SNX4: variants seen among roughly 807,000 people sequenced by gnomAD.
SNX4 encodes sorting nexin-4.
Under a neutral mutation model 70.8 loss-of-function variants are expected in SNX4, and 49 were observed. The ratio of observed to expected loss-of-function variants is 0.69; its 90% CI spans 0.55 to 0.88. The LOEUF (loss-of-function observed/expected upper bound fraction) is 0.88. Among genes scored for constraint, SNX4 ranks in the 40% least tolerant of loss-of-function variants. The pLI is 0.00. For synonymous variants in SNX4, 206 were observed against 183.8 expected, an observed-to-expected ratio of 1.12 and a Z score of -0.98; for missense variants, 528 against 544.8, an observed-to-expected ratio of 0.97 and a Z score of 0.31.
intron 7 of SNX4, 28 bp downstream of exon 7, chr3:125,480,219 C>A: frequency 1.4e-6 from 2 of 1,435,016 alleles, no homozygotes; most frequent in South Asian, 1.4e-5. Flanking sequence ...TATGCATGTG[C>A]ATCAAAAAGC....
Position 125,446,764 on chromosome 3 carries a change from T to A in SNX4, c.*1015A>T, listed in dbSNP as rs1451533203. On this transcript the variant is annotated 3_prime_UTR_variant, in exon 14 of 14. Coordinates refer to ENST00000251775, the MANE Select transcript of SNX4 (RefSeq NM_003794.4). ...CTAAACAGGACTAGGGATTTTTTTT[T>A]ACATCATTAGAAATAACGAGTACAC... is the stretch of plus-strand genomic sequence containing the variant. 1 of 152,604 alleles carries A rather than the reference T, an allele frequency of 6.6e-6. No homozygotes were observed. The highest frequency in any genetic ancestry group is 2.4e-5 in the African/African-American group (1 of 41,452). The allele number at this position is 152,604 out of a possible 1,614,324, so 9.5% of individuals were successfully genotyped here. A position where few individuals can be genotyped will look rare whatever the true frequency, so the allele number is the denominator to read the frequency against.
At chr3:125,479,195 C>G (rs74900788) in intron 7 of SNX4, among the ~76,000 whole-genome samples, 3,126 of 152,182 alleles carry the variant, frequency 0.021, 106 homozygotes, top group African/African-American at 0.071. Context: ...CTAAAACTGC[C>G]CCCACTCTCC....
intron 2 of SNX4, among the ~76,000 whole-genome samples, chr3:125,501,207 A>G (rs1219370408): frequency 1.3e-5 from 2 of 152,250 alleles, no homozygotes; most frequent in Non-Finnish European, 2.9e-5. Flanking sequence ...CCATGTCTAT[A>G]TGATGTGGAG....
At chr3:125,468,654 T>C (rs1380952285) in intron 9 of SNX4, among the ~76,000 whole-genome samples, 1 of 152,160 alleles carries the variant, frequency 6.6e-6, no homozygotes, top group Non-Finnish European at 1.5e-5. Flanking sequence ...AAGATCGACC[T>C]GGGCAACATA....
intron 10 of SNX4, among the ~76,000 whole-genome samples, chr3:125,459,800 A>G (rs1351003021): frequency 6.6e-6 from 1 of 152,310 alleles, no homozygotes; most frequent in South Asian, 2.1e-4. Context: ...TCAAAGCCCT[A>G]GAAGGAAAAC....
At chr3:125,513,675 C>A (rs570388337) in intron 1 of SNX4, among the ~76,000 whole-genome samples, 3 of 152,150 alleles carry the variant, frequency 2.0e-5, no homozygotes, top group Non-Finnish European at 2.9e-5. Context: ...TTTTTCTAGG[C>A]GTGATGCTTC....
chr3:125,453,682 A>C (rs1264879421), intron 12 of SNX4, 128 bp downstream of exon 12: 1 of 831,998 alleles, frequency 1.2e-6, no homozygotes, highest in East Asian at 3.0e-5. Flanking sequence ...TGCATTTTAA[A>C]GGAATAGGCT....
chr3:125,485,552 C>T (rs1044946744), intron 6 of SNX4, among the ~76,000 whole-genome samples: 1 of 152,124 alleles, frequency 6.6e-6, no homozygotes, highest in African/African-American at 2.4e-5. Context: ...CCTGCCTTGG[C>T]CTCCCAAAGT....
intron 8 of SNX4, among the ~76,000 whole-genome samples, chr3:125,471,128 T>C (rs1380830485): frequency 6.6e-6 from 1 of 152,190 alleles, no homozygotes; most frequent in South Asian, 2.1e-4. Flanking sequence ...GCAGATCACC[T>C]GAGGTCGGGA....
chr3:125,456,003 AAAAC>A lies in SNX4; in HGVS notation c.1044+1259_1044+1262del, dbSNP rs200886002. On this transcript the variant is annotated intron_variant, in intron 11 of 13. Coordinates refer to ENST00000251775, the MANE Select transcript of SNX4 (RefSeq NM_003794.4). ...GGGCAACAGAGCGAAACTCGGTCTA[AAAAC>A]AAACAAACAAACAAACAAAAACTAC... Among the ~76,000 whole-genome samples the A allele has an allele frequency of 8.9e-4, 135 of 152,294 alleles. 1 individual carries two copies. The East Asian group carries it at 0.021, about 24-fold the overall frequency.
chr3:125,519,923 TCGGCCGAGCCCACTGGCCCGGCC>T (rs1935367260), intron 1 of SNX4, 86 bp downstream of exon 1: 1 of 1,079,706 alleles, frequency 9.3e-7, no homozygotes, highest in Non-Finnish European at 1.2e-6. Flanking sequence ...CTGGGCCTCC[TCGGCCGAGCCCACTGGCCCGGCC>T]CGGCCCAGCC....
intron 4 of SNX4, 152 bp from the exon 5 acceptor site, chr3:125,497,540 A>G (rs765874559): frequency 3.2e-6 from 2 of 630,016 alleles, no homozygotes; most frequent in Non-Finnish European, 5.5e-6. Flanking sequence ...TAAACATTCA[A>G]TCCAACTTCT....
intron 9 of SNX4, among the ~76,000 whole-genome samples, chr3:125,469,167 C>T (rs1310888669): frequency 6.6e-6 from 1 of 152,088 alleles, no homozygotes; most frequent in Non-Finnish European, 1.5e-5. Flanking sequence ...GTTGATGAGA[C>T]TTTTTACTGT....
At position 125,453,804 on chromosome 3, in the gene SNX4, C is replaced by G. The variant is rs754187363; in HGVS notation, c.1190+6G>C. On this transcript the variant is annotated splice_donor_region_variant and intron_variant, in intron 12 of 13. Coordinates refer to ENST00000251775, the MANE Select transcript of SNX4 (RefSeq NM_003794.4). ...CTAGCTTACTTAAACATCGCAGCAT[C>G]TTTACCTGCCTTCCAGATTTTTAGA... 6.2e-7 allele frequency: 1 copy of G among 1,613,712 alleles called. No individual in the cohort carries two copies. The highest frequency in any genetic ancestry group is 8.5e-7 in the Non-Finnish European group (1 of 1,179,838).
chr3:125,505,509 C>T (rs977808909), intron 1 of SNX4, among the ~76,000 whole-genome samples: 1 of 152,188 alleles, frequency 6.6e-6, no homozygotes, highest in African/African-American at 2.4e-5. Flanking sequence ...TTTCAGCTAC[C>T]TATCCCTTAG....
At chr3:125,452,141 T>C (rs983464616) in intron 12 of SNX4, among the ~76,000 whole-genome samples, 2 of 152,016 alleles carry the variant, frequency 1.3e-5, no homozygotes, top group African/African-American at 4.8e-5. Flanking sequence ...AGTCTCGCTC[T>C]GTAGCCCAGG....
At chr3:125,449,250 T>C (rs1933510409) in intron 13 of SNX4, 1 of 151,588 alleles carries the variant, frequency 6.6e-6, no homozygotes, top group African/African-American at 2.4e-5. Context: ...GGTGAAACCG[T>C]CTCTCCTAAA....
At chr3:125,500,454 CT>C (rs1339950646) in intron 2 of SNX4, among the ~76,000 whole-genome samples, 1 of 152,046 alleles carries the variant, frequency 6.6e-6, no homozygotes, top group Non-Finnish European at 1.5e-5. Flanking sequence ...GCCCACTAAA[CT>C]ATAACACTAT....
At chr3:125,483,521 G>C (rs1039838535) in intron 6 of SNX4, among the ~76,000 whole-genome samples, 1 of 152,208 alleles carries the variant, frequency 6.6e-6, no homozygotes, top group Admixed American at 6.5e-5. Context: ...ACTTAAATTA[G>C]GTGAAGCAGA....
Sources: allele counts gnomAD v4.1 joint callset (sites outside exome capture counted in the v4.1 genomes callset), GRCh38; gene constraint gnomAD v4.1.1; transcripts MANE v1.5; gene names NCBI Gene and HGNC (gene_info 2026-07-23, HGNC 2026-07-21).